The following PCDH11Y variants were observed in gnomAD, a reference collection of about 807,000 sequenced individuals.
PCDH11Y encodes the protein protocadherin-11 Y-linked.
For synonymous variants in PCDH11Y, 9 were observed against 83.6 expected (o/e 0.11, Z 4.87); for missense variants, 12 against 224.8 (o/e 0.05, Z 6.05).
At chrY:5,108,756 A>T (rs2124638583), downstream of PCDH11Y, among the ~76,000 whole-genome samples, 1 of 29,888 alleles carries the variant, frequency 3.3e-5, no homozygotes, top group Non-Finnish European at 8.0e-5. Context: ...CAAAAAAAAA[A>T]AAAAAAAAAA....
chrY:5,580,102 T>C, intron 3 of PCDH11Y, among the ~76,000 whole-genome samples: 1 of 31,716 alleles, frequency 3.2e-5, no homozygotes, highest in Non-Finnish European at 7.8e-5. Flanking sequence ...TATTTGACTT[T>C]GGTGGTTTAT....
At chrY:5,425,152 G>T (rs1602923355) in intron 2 of PCDH11Y, among the ~76,000 whole-genome samples, 1 of 33,234 alleles carries the variant, frequency 3.0e-5, no homozygotes, top group Middle Eastern at 0.014. Flanking sequence ...TAAATGTAGC[G>T]CATTGTAGAT....
At chrY:5,090,631 A>G in intron 1 of PCDH11Y, among the ~76,000 whole-genome samples, 1 of 32,938 alleles carries the variant, frequency 3.0e-5, no homozygotes, top group Non-Finnish European at 7.6e-5. Context: ...CAGAAAACAC[A>G]ATAGTTTTTG....
chrY:5,261,883 G>A, intron 2 of PCDH11Y, among the ~76,000 whole-genome samples: 10 of 32,019 alleles, frequency 3.1e-4, no homozygotes, highest in Non-Finnish European at 6.8e-4. Context: ...CGGTTCCTGT[G>A]TTAGTTTGCT....
chrY:5,249,152 A>C, intron 2 of PCDH11Y, among the ~76,000 whole-genome samples: 1 of 32,272 alleles, frequency 3.1e-5, no homozygotes, highest in African/African-American at 1.2e-4. Context: ...CATACTGCCC[A>C]AAGTAATCTA....
intron 2 of PCDH11Y, among the ~76,000 whole-genome samples, chrY:5,366,976 C>T: frequency 3.9e-4 from 13 of 33,091 alleles, no homozygotes; most frequent in Admixed American, 1.4e-3. Flanking sequence ...GTTGGTCAGG[C>T]TGGTCTTGAA....
chrY:5,348,196 C>G (rs2124669938), intron 2 of PCDH11Y, among the ~76,000 whole-genome samples: 2 of 29,426 alleles, frequency 6.8e-5, no homozygotes, highest in Non-Finnish European at 1.6e-4. Context: ...CAGTCCCTCA[C>G]CAGACTCTAT....
chrY:5,202,657 T>C (rs2124650036), intron 2 of PCDH11Y, among the ~76,000 whole-genome samples: 1 of 33,201 alleles, frequency 3.0e-5, no homozygotes, highest in African/African-American at 1.2e-4. Context: ...CCAGTCTGCT[T>C]TTCCCAGTCC....
intron 2 of PCDH11Y, among the ~76,000 whole-genome samples, chrY:5,278,892 C>A: frequency 6.1e-5 from 2 of 32,991 alleles, no homozygotes; most frequent in East Asian, 1.6e-3. Flanking sequence ...ATTGTGTAAC[C>A]TTTTTAAAAT....
chrY:5,304,172 T>A (rs1602901533), intron 2 of PCDH11Y, among the ~76,000 whole-genome samples: 1 of 28,599 alleles, frequency 3.5e-5, no homozygotes, highest in Admixed American at 3.1e-4. Context: ...AAAAAAAAAA[T>A]AGATTCTACC....
In PCDH11Y at chrY:5,340,267, T is replaced by G; in HGVS notation, c.3130-160790T>G. On this transcript the variant is annotated intron_variant, in intron 2 of 4. Coordinates refer to the PCDH11Y transcript ENST00000400457. ...GGACAGGGAGCATCCAGAGGAAGAC[T>G]CAGCATGTCGGCTTATCCCACCTTC... Among the ~76,000 whole-genome samples the G allele has an allele frequency of 9.4e-5, 3 of 32,057 alleles. No individual in the cohort carries two copies. The East Asian group carries it at 2.5e-3, about 26-fold the overall frequency. 86.0% of individuals were successfully genotyped at this position (32,057 alleles called of 37,273 possible).
At chrY:5,056,616 C>T in exon 1 of PCDH11Y, 1 of 211,394 alleles carries the variant, frequency 4.7e-6, no homozygotes, top group South Asian at 6.0e-5. Context: ...AAAGTATTAT[C>T]TTTTATATAT....
intron 2 of PCDH11Y, among the ~76,000 whole-genome samples, chrY:5,292,160 TA>T (rs2053068540): frequency 3.0e-5 from 1 of 32,929 alleles, no homozygotes. Context: ...GTATTTTATT[TA>T]AGATTTTTGC....
chrY:5,045,411 C>A, intron 3 of PCDH11Y, among the ~76,000 whole-genome samples: 1 of 32,582 alleles, frequency 3.1e-5, no homozygotes, highest in Non-Finnish European at 7.5e-5. Context: ...GTTGAAAATT[C>A]TTTCCTTTAA....
chrY:5,178,385 T>C, intron 2 of PCDH11Y, among the ~76,000 whole-genome samples: 1 of 32,738 alleles, frequency 3.1e-5, no homozygotes, highest in African/African-American at 1.2e-4. Context: ...TAATATTCTC[T>C]ATTTACACTG....
intron 4 of PCDH11Y, among the ~76,000 whole-genome samples, chrY:5,605,630 C>A: frequency 3.0e-5 from 1 of 33,369 alleles, no homozygotes; most frequent in Non-Finnish European, 7.4e-5. Flanking sequence ...GTCACATAAT[C>A]ATTTTATTTT....
chrY:5,440,343 A>G, intron 2 of PCDH11Y, among the ~76,000 whole-genome samples: 1 of 31,699 alleles, frequency 3.2e-5, no homozygotes, highest in Non-Finnish European at 7.7e-5. Flanking sequence ...TGGCCTCTCC[A>G]TGTGGAGTAG....
chrY:5,493,194 T>C, intron 2 of PCDH11Y, among the ~76,000 whole-genome samples: 1 of 33,693 alleles, frequency 3.0e-5, no homozygotes, highest in African/African-American at 1.2e-4. Flanking sequence ...ATGCCAGGTT[T>C]TTCCTCTTTC....
intron 2 of PCDH11Y, among the ~76,000 whole-genome samples, chrY:5,396,953 C>T (rs2124676605): frequency 6.3e-5 from 2 of 31,545 alleles, no homozygotes; most frequent in East Asian, 8.5e-4. Flanking sequence ...GGTAGGGTTT[C>T]GCCGTGTTGG....
Sources: allele counts gnomAD v4.1 joint callset (sites outside exome capture counted in the v4.1 genomes callset), GRCh38; gene constraint gnomAD v4.1.1; transcripts MANE v1.5; gene names NCBI Gene and HGNC (gene_info 2026-07-23, HGNC 2026-07-21).